Variants in ADAMTS6 observed in about 807,000 individuals in gnomAD.
ADAMTS6 encodes the protein A disintegrin and metalloproteinase with thrombospondin motifs 6.
In ADAMTS6, 23 loss-of-function variants were observed where a neutral mutation model predicts 144.3. The observed-to-expected ratio is 0.16, with a 90% CI of 0.11 to 0.23. The LOEUF (loss-of-function observed/expected upper bound fraction) is 0.23. ADAMTS6 is among the 10% of genes least tolerant of loss of function. The probability of loss-of-function intolerance (pLI) is 1.00; values close to 1 mark genes in which losing one functional copy is unlikely to be tolerated. For missense variants in ADAMTS6, 999 were observed against 1,379.6 expected, an observed-to-expected ratio of 0.72 and a Z score of 4.37; for synonymous variants, 444 against 457.5, an observed-to-expected ratio of 0.97 and a Z score of 0.38.
intron 9 of ADAMTS6, among the ~76,000 whole-genome samples, chr5:65,304,874 C>A (rs1344430832): frequency 1.3e-5 from 2 of 151,598 alleles, no homozygotes; most frequent in African/African-American, 4.8e-5. Context: ...ATTAAATACT[C>A]AAAAGATAAC....
chr5:65,393,642 T>C (rs992554610), intron 7 of ADAMTS6, among the ~76,000 whole-genome samples: 2 of 152,210 alleles, frequency 1.3e-5, no homozygotes, highest in African/African-American at 4.8e-5. Context: ...AATGATTCTC[T>C]GAGCATGAAT....
chr5:65,471,220 A>G, intron 2 of ADAMTS6, 78 bp from the exon 3 acceptor site: 3 of 1,408,878 alleles, frequency 2.1e-6, no homozygotes, highest in Non-Finnish European at 2.8e-6. Context: ...AAGAAGCAGC[A>G]ATATAAACAA....
At chr5:65,344,927 G>T (rs892143648) in intron 7 of ADAMTS6, among the ~76,000 whole-genome samples, 1 of 151,786 alleles carries the variant, frequency 6.6e-6, no homozygotes, top group African/African-American at 2.4e-5. Flanking sequence ...TGGATTTCCT[G>T]AAGGAAATGT....
intron 7 of ADAMTS6, among the ~76,000 whole-genome samples, chr5:65,393,339 T>C (rs1342243756): frequency 6.6e-6 from 1 of 152,212 alleles, no homozygotes; most frequent in African/African-American, 2.4e-5. Context: ...ACATAATCCT[T>C]CCATGAACAT....
At chr5:65,152,694 C>T (rs1214729293) in intron 24 of ADAMTS6, among the ~76,000 whole-genome samples, 3 of 152,192 alleles carry the variant, frequency 2.0e-5, no homozygotes, top group Non-Finnish European at 4.4e-5. Flanking sequence ...TCCATCTCCC[C>T]TTGAGGCTGG....
chr5:65,162,707 A>AAT (rs1268186630), intron 24 of ADAMTS6, among the ~76,000 whole-genome samples: 1 of 151,966 alleles, frequency 6.6e-6, no homozygotes, highest in South Asian at 2.1e-4. Context: ...TAAGACAGAT[A>AAT]ATATATATAA....
intron 4 of ADAMTS6, among the ~76,000 whole-genome samples, chr5:65,455,662 G>C (rs1759134058): frequency 6.6e-6 from 1 of 151,702 alleles, no homozygotes; most frequent in Non-Finnish European, 1.5e-5. Flanking sequence ...AAAATTAGCT[G>C]TGTGGTGGCA....
At chr5:65,273,555 CT>C in intron 11 of ADAMTS6, 108 bp from the exon 12 acceptor site, 1 of 816,632 alleles carries the variant, frequency 1.2e-6, no homozygotes, top group Non-Finnish European at 1.9e-6. Flanking sequence ...CCCTGGGTAC[CT>C]TTTGCTGCTG....
chr5:65,351,523 T>C (rs145869210), intron 7 of ADAMTS6, among the ~76,000 whole-genome samples: 24 of 152,362 alleles, frequency 1.6e-4, no homozygotes, highest in Non-Finnish European at 2.9e-4. Flanking sequence ...CTGTCATTAA[T>C]TGAATAAATC....
intron 21 of ADAMTS6, among the ~76,000 whole-genome samples, chr5:65,190,406 C>T (rs1318661748): frequency 3.9e-5 from 6 of 152,094 alleles, no homozygotes; most frequent in Non-Finnish European, 8.8e-5. Context: ...GAAAATAATA[C>T]TTGCATGCCA....
At chr5:65,167,080 C>A (rs1178109788) in intron 24 of ADAMTS6, among the ~76,000 whole-genome samples, 5 of 143,540 alleles carry the variant, frequency 3.5e-5, no homozygotes, top group Non-Finnish European at 6.1e-5. Flanking sequence ...TTCAAAAAAT[C>A]AATGAATCCA....
intron 9 of ADAMTS6, among the ~76,000 whole-genome samples, chr5:65,308,561 GA>G (rs1408396477): frequency 6.6e-6 from 1 of 151,896 alleles, no homozygotes; most frequent in Non-Finnish European, 1.5e-5. Context: ...CACTATAAGG[GA>G]AAAAAAGACA....
intron 7 of ADAMTS6, among the ~76,000 whole-genome samples, chr5:65,371,524 A>C (rs980178200): frequency 6.6e-6 from 1 of 152,186 alleles, no homozygotes; most frequent in Non-Finnish European, 1.5e-5. Flanking sequence ...GGTATCAGCG[A>C]TGGAAGATGA....
At chr5:65,178,780 G>T (rs1754145253) in intron 22 of ADAMTS6, among the ~76,000 whole-genome samples, 3 of 152,140 alleles carry the variant, frequency 2.0e-5, no homozygotes, top group Admixed American at 6.5e-5. Context: ...GGACATCATT[G>T]GTTAACAAAT....
intron 7 of ADAMTS6, among the ~76,000 whole-genome samples, chr5:65,417,144 T>A (rs982105266): frequency 6.6e-6 from 1 of 152,160 alleles, no homozygotes; most frequent in Admixed American, 6.5e-5. Flanking sequence ...ATTATCTCAA[T>A]AGACACAGAA....
intron 7 of ADAMTS6, among the ~76,000 whole-genome samples, chr5:65,434,755 G>A (rs1194915205): frequency 6.6e-6 from 1 of 152,146 alleles, no homozygotes; most frequent in African/African-American, 2.4e-5. Context: ...AAAGCAAGCT[G>A]GGACAAACTG....
chr5:65,167,392 T>G (rs1346532759), intron 24 of ADAMTS6, among the ~76,000 whole-genome samples: 1 of 152,110 alleles, frequency 6.6e-6, no homozygotes, highest in East Asian at 1.9e-4. Context: ...CAATAATCAA[T>G]AGTTTACCAA....
At chr5:65,309,114 G>T (rs1744226844) in intron 9 of ADAMTS6, among the ~76,000 whole-genome samples, 1 of 150,142 alleles carries the variant, frequency 6.7e-6, no homozygotes, top group African/African-American at 2.4e-5. Context: ...CCAGGGTGGG[G>T]TTGGTGGCGG....
intron 7 of ADAMTS6, among the ~76,000 whole-genome samples, chr5:65,384,818 C>G (rs187432002): frequency 4.6e-5 from 7 of 152,256 alleles, no homozygotes; most frequent in Admixed American, 3.9e-4. Flanking sequence ...TGTTTCAGTC[C>G]ATTAAGCTTG....
Sources: allele counts gnomAD v4.1 joint callset (sites outside exome capture counted in the v4.1 genomes callset), GRCh38; gene constraint gnomAD v4.1.1; transcripts MANE v1.5; gene names NCBI Gene and HGNC (gene_info 2026-07-23, HGNC 2026-07-21).